Variants in ZNF607 observed in about 807,000 individuals in gnomAD.
ZNF607 encodes zinc finger protein 607.
ZNF607 carries 5 observed loss-of-function variants against 12.8 expected under a neutral mutation model. The observed-to-expected ratio is 0.39, with a 90% confidence interval of 0.20 to 0.82. The LOEUF (loss-of-function observed/expected upper bound fraction) is 0.82. ZNF607 is among the 40% of genes least tolerant of loss of function. ZNF607 has a pLI of 0.39. For synonymous variants in ZNF607, 287 were observed against 276.2 expected (o/e 1.04, Z -0.39); for missense variants, 851 against 859.2 (o/e 0.99, Z 0.12).
In ZNF607 at chr19:37,698,946, ACATT is replaced by A; in HGVS notation, c.1181_1184del (p.Glu394ValfsTer130). Reference sequence around the variant, plus strand: ...GCCTAAAGGACTTCCCACATTTGTTACATTCATAGGGTTTCTTACCACTATGAAT... The same window carrying A: ...GCCTAAAGGACTTCCCACATTTGTTACATAGGGTTTCTTACCACTATGAAT... On this transcript the variant is annotated frameshift_variant, in exon 5 of 5. Transcript: ENST00000355202. LOFTEE classifies it low-confidence loss of function (END_TRUNC). The A allele has an allele frequency of 1.5e-5, 24 of 1,614,094 alleles. No individual in the cohort carries two copies. Among genetic ancestry groups the A allele is most frequent in the Non-Finnish European group, 2.0e-5 (24 of 1,180,022 alleles).
At chr19:37,707,579 G>A (rs147631576) in intron 4 of ZNF607, among the ~76,000 whole-genome samples, 1,977 of 152,156 alleles carry the variant, frequency 0.013, 37 homozygotes, top group Admixed American at 0.05. Context: ...ACAACAGCCC[G>A]GGCAATGTAG....
chr19:37,717,244 G>A (rs1376730953), intron 1 of ZNF607, among the ~76,000 whole-genome samples: 1 of 152,120 alleles, frequency 6.6e-6, no homozygotes, highest in Non-Finnish European at 1.5e-5. Flanking sequence ...GGCGTGCAGT[G>A]GCTCGATCTC....
chr19:37,717,062 A>G lies in ZNF607; in HGVS notation c.-75+2207T>C, dbSNP rs2045181715. ...AAATAGGTCCAATAATTTGGGGCAC[A>G]CATTATATGCTCAGTAAATGTAGCC... On this transcript the variant is annotated intron_variant, in intron 1 of 4. Transcript: ENST00000355202. 2.0e-5 allele frequency among the ~76,000 whole-genome samples: 3 copies of G among 152,250 alleles called. No homozygotes were observed. In the South Asian group the frequency reaches 6.2e-4, roughly 32 times the overall value.
Position 37,698,853 on chromosome 19 carries a change from A to G in ZNF607, c.1278T>C (p.Cys426=), listed in dbSNP as rs769395200. The change falls in exon 5 of 5, where the codon TGT becomes TGC. Residue 426 remains cysteine, a synonymous_variant. Coordinates refer to ENST00000355202, the MANE Select transcript of ZNF607 (RefSeq NM_032689.5). ...GTGCACGCTGACTGAAGGCCTTCCC[A>G]CATTCCTTACATTTGTAGGGTTTCT... is the stretch of plus-strand genomic sequence containing the variant. ...TGEKPYKCKE[C]GKAFSQRAHL... is the part of the protein sequence containing the mutation. The G allele has an allele frequency of 6.2e-7, 1 of 1,614,078 alleles. No individual in the cohort carries two copies. The highest frequency in any genetic ancestry group is 1.1e-5 in the South Asian group (1 of 91,082).
Position 37,699,306 on chromosome 19 carries a change from A to G in ZNF607, c.825T>C (p.His275=), listed in dbSNP as rs1345254540. 4 of 1,613,766 alleles carry G rather than the reference A, an allele frequency of 2.5e-6. No homozygotes were observed. In the African/African-American group the frequency reaches 4.0e-5, roughly 16 times the overall value. ...TACATTCATGTGGCTTCTCTCCAGT[A>G]TGAATACTCTGATGTACTTTAAGGC... ...KAGLKVHQSI[H]TGEKPHECKE... Residue 275 remains histidine, a synonymous_variant, in exon 5 of 5, where the codon CAT becomes CAC. Coordinates refer to ENST00000355202, the MANE Select transcript of ZNF607 (RefSeq NM_032689.5).
intron 1 of ZNF607, among the ~76,000 whole-genome samples, chr19:37,714,516 A>G (rs910315455): frequency 1.3e-5 from 2 of 150,562 alleles, no homozygotes; most frequent in Non-Finnish European, 3.0e-5. Context: ...GTGAGCCAAG[A>G]TCATGCCACT....
At position 37,696,512 on chromosome 19, in the gene ZNF607, C is replaced by A; in HGVS notation, c.*1528G>T. ...TACCTTTACTTCCTTCACTTTAAGC[C>A]AATCATGAAATTTCAGTGATTTCTG... is the stretch of plus-strand genomic sequence containing the variant. On this transcript the variant is annotated 3_prime_UTR_variant, in exon 5 of 5. Coordinates refer to ENST00000355202, the MANE Select transcript of ZNF607 (RefSeq NM_032689.5). 2.5e-6 allele frequency: 1 copy of A among 405,102 alleles called. No homozygotes were observed. The allele number at this position is 405,102 out of a possible 1,614,324, so 25.1% of individuals were successfully genotyped here. A position where few individuals can be genotyped will look rare whatever the true frequency, so the allele number is the denominator to read the frequency against.
intron 4 of ZNF607, among the ~76,000 whole-genome samples, chr19:37,702,056 C>T (rs962801828): frequency 7.2e-5 from 11 of 151,970 alleles, no homozygotes; most frequent in Admixed American, 2.0e-4. Context: ...GAGGCTGAGG[C>T]GGGTGGATCA....
rs1018222408 is a variant in ZNF607 at position 37,709,632 on chromosome 19, G to T, written c.136+64C>A. 8.0e-5 allele frequency: 123 copies of T among 1,541,928 alleles called. 1 individual carries two copies. In the South Asian group the frequency reaches 1.4e-3, roughly 18 times the overall value. ...AGCCCTGAAAACCACAACAGAAAAA[G>T]AATGTATCCTACGAAACAGATGATT... On this transcript the variant is annotated intron_variant, in intron 3 of 4. Transcript: ENST00000355202.
chr19:37,714,340 A>ACAACAACAACAGCAGCAG (rs546794308), intron 1 of ZNF607, among the ~76,000 whole-genome samples: 2 of 148,210 alleles, frequency 1.3e-5, no homozygotes, highest in Non-Finnish European at 3.0e-5. Flanking sequence ...AACAACAACA[A>ACAACAACAACAGCAGCAG]CAGCAGCAGC....
At chr19:37,714,394 G>C (rs1451967754) in intron 1 of ZNF607, among the ~76,000 whole-genome samples, 1 of 149,690 alleles carries the variant, frequency 6.7e-6, no homozygotes, top group Non-Finnish European at 1.5e-5. Context: ...CCTGTCTCCA[G>C]TAAAAATAAT....
Position 37,698,844 on chromosome 19 carries a change from G to A in ZNF607, c.1287C>T (p.Ala429=). 1 of 1,613,850 alleles carries A rather than the reference G, an allele frequency of 6.2e-7. No homozygotes were observed. Among genetic ancestry groups the A allele is most frequent in the Non-Finnish European group, 8.5e-7 (1 of 1,179,952 alleles). ...KPYKCKECGK[A]FSQRAHLAHH... ...GGGCAAGGTGTGCACGCTGACTGAA[G>A]GCCTTCCCACATTCCTTACATTTGT... The change falls in exon 5 of 5, where the codon GCC becomes GCT. Residue 429 remains alanine (A), a synonymous_variant. Transcript: ENST00000355202.
At chr19:37,704,900 G>T (rs562259653) in intron 4 of ZNF607, among the ~76,000 whole-genome samples, 1 of 152,122 alleles carries the variant, frequency 6.6e-6, no homozygotes, top group African/African-American at 2.4e-5. Flanking sequence ...GCAGTGAGCC[G>T]AGATTGCGCC....
intron 3 of ZNF607, among the ~76,000 whole-genome samples, chr19:37,708,601 C>T (rs2045106264): frequency 6.6e-6 from 1 of 150,588 alleles, no homozygotes; most frequent in Admixed American, 6.7e-5. Context: ...GTGGCTCATG[C>T]CTTGTAACCC....
At chr19:37,711,110 T>C (rs1397223830) in intron 2 of ZNF607, among the ~76,000 whole-genome samples, 1 of 152,230 alleles carries the variant, frequency 6.6e-6, no homozygotes, top group Non-Finnish European at 1.5e-5. Flanking sequence ...TTTCTGTGTT[T>C]ACAAGTTCCA....
At chr19:37,717,533 C>T (rs1230221467) in intron 1 of ZNF607, among the ~76,000 whole-genome samples, 1 of 151,318 alleles carries the variant, frequency 6.6e-6, no homozygotes, top group African/African-American at 2.4e-5. Flanking sequence ...TGGTGGCTCA[C>T]GCCTGTAATC....
intron 1 of ZNF607, among the ~76,000 whole-genome samples, chr19:37,716,869 T>C (rs1425270224): frequency 6.6e-6 from 1 of 152,204 alleles, no homozygotes; most frequent in Admixed American, 6.5e-5. Flanking sequence ...AATCTAAATA[T>C]TAGGCCTAGA....
At chr19:37,709,510 G>A (rs149639422) in intron 3 of ZNF607, among the ~76,000 whole-genome samples, 186 bp downstream of exon 3, 1 of 152,176 alleles carries the variant, frequency 6.6e-6, no homozygotes, top group African/African-American at 2.4e-5. Flanking sequence ...CTGAAAGATA[G>A]AGAAGATGAA....
At chr19:37,700,119 T>C (rs1386365755) in intron 4 of ZNF607, among the ~76,000 whole-genome samples, 1 of 152,158 alleles carries the variant, frequency 6.6e-6, no homozygotes, top group Non-Finnish European at 1.5e-5. Context: ...GAGCCCTGTT[T>C]TGTAGTGTTT....
Sources: allele counts gnomAD v4.1 joint callset (sites outside exome capture counted in the v4.1 genomes callset), GRCh38; gene constraint gnomAD v4.1.1; transcripts MANE v1.5; gene names NCBI Gene and HGNC (gene_info 2026-07-23, HGNC 2026-07-21).